The following MYO18B variants were observed in gnomAD, a reference collection of about 807,000 sequenced individuals.
MYO18B encodes the protein unconventional myosin-XVIIIb.
A neutral mutation model predicts 273.0 loss-of-function variants in MYO18B; 204 were observed. The ratio of observed to expected loss-of-function variants is 0.75; its 90% CI spans 0.67 to 0.84. The LOEUF is 0.84. Among genes scored for constraint, MYO18B ranks in the 40% least tolerant of loss-of-function variants. The pLI, the probability that MYO18B is intolerant of heterozygous loss-of-function variation, is 0.00. For missense variants in MYO18B, 3,212 were observed against 3,287.6 expected, an observed-to-expected ratio of 0.98 and a Z score of 0.56; for synonymous variants, 1,330 against 1,305.7, an observed-to-expected ratio of 1.02 and a Z score of -0.40.
intron 33 of MYO18B, among the ~76,000 whole-genome samples, chr22:25,920,735 G>T (rs2092328283): frequency 6.6e-6 from 1 of 152,206 alleles, no homozygotes. Flanking sequence ...ACAGCTCAGT[G>T]AATTTTCATA....
At chr22:25,916,791 G>A (rs535199036) in intron 33 of MYO18B, among the ~76,000 whole-genome samples, 357 of 152,310 alleles carry the variant, frequency 2.3e-3, no homozygotes, top group African/African-American at 8.3e-3. Context: ...CAGCACTTTG[G>A]GAGGCCAAGG....
rs552462614 is a variant in MYO18B at position 25,761,008 on chromosome 22, G to A, written c.-85G>A. 25 of 1,418,932 alleles carry A rather than the reference G, an allele frequency of 1.8e-5. No individual in the cohort carries two copies. The highest frequency in any genetic ancestry group is 6.8e-5 in the East Asian group (3 of 44,100). 87.9% of individuals were successfully genotyped at this position (1,418,932 alleles called of 1,614,324 possible). On this transcript the variant is annotated 5_prime_UTR_variant, in exon 2 of 44. In the 5' UTR this introduces an upstream ATG that the reference lacks. Transcript: ENST00000335473. Reference sequence around the variant, plus strand: ...GTTCTGTGTCCATCTCATGTGCTGCGTGTGTCTGTAAAGCCTCATTCCGTG... The same window carrying A: ...GTTCTGTGTCCATCTCATGTGCTGCATGTGTCTGTAAAGCCTCATTCCGTG...
chr22:26,023,072 T>C (rs766641068), intron 42 of MYO18B, among the ~76,000 whole-genome samples: 17 of 152,122 alleles, frequency 1.1e-4, no homozygotes, highest in South Asian at 2.1e-4. Context: ...AAGGCCTCTG[T>C]TTCCCCTCTC....
intron 40 of MYO18B, 32 bp downstream of exon 40, chr22:25,992,525 G>A (rs749474433): frequency 9.3e-6 from 15 of 1,612,320 alleles, no homozygotes; most frequent in Middle Eastern, 1.6e-4. Context: ...GGGGCTGGGC[G>A]CAGCAGGTGG....
chr22:25,812,478 A>G (rs539927506), intron 12 of MYO18B, among the ~76,000 whole-genome samples: 1 of 152,220 alleles, frequency 6.6e-6, no homozygotes, highest in South Asian at 2.1e-4. Flanking sequence ...GGTGCTGATT[A>G]GAGTTGGTAT....
intron 1 of MYO18B, among the ~76,000 whole-genome samples, chr22:25,751,985 G>A (rs2085942178): frequency 1.3e-5 from 2 of 152,174 alleles, no homozygotes. Flanking sequence ...GAGGCTCAGA[G>A]AGCTCCCTGG....
chr22:26,013,269 G>A (rs947456658), intron 42 of MYO18B, among the ~76,000 whole-genome samples: 1 of 152,144 alleles, frequency 6.6e-6, no homozygotes, highest in Non-Finnish European at 1.5e-5. Flanking sequence ...TGGCTGTCAT[G>A]CTACTGGCAT....
At chr22:25,838,690 C>G (rs1265885547) in intron 17 of MYO18B, among the ~76,000 whole-genome samples, 1 of 152,182 alleles carries the variant, frequency 6.6e-6, no homozygotes, top group East Asian at 1.9e-4. Context: ...TACCATACAG[C>G]CTATGTGTGT....
Position 25,797,989 on chromosome 22 carries a change from C to T in MYO18B, c.2413C>T (p.Gln805Ter). The T allele has an allele frequency of 6.2e-7, 1 of 1,613,980 alleles. No homozygotes were observed. The highest frequency in any genetic ancestry group is 8.5e-7 in the Non-Finnish European group (1 of 1,179,860). The change falls in exon 12 of 44, where the codon CAG (glutamine) becomes TAG (stop). Residue 805 changes from glutamine (Q) to a stop codon, truncating the protein, a stop_gained. Transcript: ENST00000335473. LOFTEE classifies it high-confidence loss of function. ...ACAGAAGGCGGCAGCTGCCTTTGCCCAGCTCCAGGGTGCCATGGAGATGCT... is the reference window on the plus strand; with the variant it reads ...ACAGAAGGCGGCAGCTGCCTTTGCCTAGCTCCAGGGTGCCATGGAGATGCT... ...DKQKAAAAFA[Q>*]LQGAMEMLGI...
Position 25,828,877 on chromosome 22 carries a change from T to C in MYO18B, c.2888T>C (p.Phe963Ser), listed in dbSNP as rs1254305555. The change falls in exon 15 of 44, where the codon TTT becomes TCT. Residue 963 changes from phenylalanine (F) to serine (S), a missense_variant. Coordinates refer to ENST00000335473, the MANE Select transcript of MYO18B (RefSeq NM_032608.7). Reference protein sequence around the residue: ...RHQGKDRAATFEELCHNYAHE... With the variant: ...RHQGKDRAATSEELCHNYAHE... The stretch of plus-strand genomic sequence containing the variant: ...CAGGGCAAGGACCGGGCGGCCACCT[T>C]TGAGGAGCTGTGCCACAACTACGCC... 3.1e-6 allele frequency: 5 copies of C among 1,613,832 alleles called. No individual in the cohort carries two copies. Among genetic ancestry groups the C allele is most frequent in the Non-Finnish European group, 3.4e-6 (4 of 1,179,886 alleles).
chr22:25,891,899 G>A (rs941027895), intron 27 of MYO18B, among the ~76,000 whole-genome samples: 5 of 152,106 alleles, frequency 3.3e-5, no homozygotes, highest in African/African-American at 9.7e-5. Context: ...GTGGTGGCAT[G>A]CACCTGAAGT....
At chr22:25,917,545 G>GGGGGGGGT (rs1555944183) in intron 33 of MYO18B, among the ~76,000 whole-genome samples, 1 of 142,152 alleles carries the variant, frequency 7.0e-6, no homozygotes, top group Non-Finnish European at 1.5e-5. Flanking sequence ...GCTTTGTAGG[G>GGGGGGGGT]GTGTGTGTGT....
intron 20 of MYO18B, among the ~76,000 whole-genome samples, chr22:25,850,816 A>G (rs1411131823): frequency 6.6e-6 from 1 of 152,208 alleles, no homozygotes; most frequent in African/African-American, 2.4e-5. Flanking sequence ...TTGTCTGTAC[A>G]GCCCCCTCTG....
chr22:26,061,006 TACACACACACAC>T, the MYO18B span, among the ~76,000 whole-genome samples: 1 of 118,058 alleles, frequency 8.5e-6, no homozygotes, highest in African/African-American at 4.5e-5. Flanking sequence ...TGCACACACA[TACACACACACAC>T]ACACACACAA....
chr22:25,993,401 T>A (rs995737167), intron 40 of MYO18B, among the ~76,000 whole-genome samples: 3 of 152,172 alleles, frequency 2.0e-5, no homozygotes, highest in African/African-American at 7.2e-5. Context: ...CAATAAAGAA[T>A]CTACAGGGTG....
intron 34 of MYO18B, among the ~76,000 whole-genome samples, chr22:25,934,766 A>C (rs990601391): frequency 2.0e-5 from 3 of 152,196 alleles, no homozygotes; most frequent in Admixed American, 2.0e-4. Flanking sequence ...GGCAGTCAGA[A>C]TATGCATCTA....
intron 36 of MYO18B, among the ~76,000 whole-genome samples, chr22:25,948,455 C>CTTTCTTTCTTTCTTTCT (rs1569225255): frequency 1.2e-5 from 1 of 80,070 alleles, no homozygotes; most frequent in South Asian, 4.3e-4. Flanking sequence ...TCCTTCCTTC[C>CTTTCTTTCTTTCTTTCT]TTCCTTCTTT....
intron 39 of MYO18B, among the ~76,000 whole-genome samples, chr22:25,957,473 T>A (rs1047764926): frequency 1.3e-5 from 2 of 152,250 alleles, no homozygotes; most frequent in Non-Finnish European, 2.9e-5. Flanking sequence ...GATGGCAAGA[T>A]TCTGGATAAG....
chr22:25,832,007 C>T (rs536547075), intron 15 of MYO18B, among the ~76,000 whole-genome samples: 3 of 152,240 alleles, frequency 2.0e-5, no homozygotes, highest in African/African-American at 7.2e-5. Flanking sequence ...AAAAGAAGCT[C>T]ACCATCACAA....
Sources: allele counts gnomAD v4.1 joint callset (sites outside exome capture counted in the v4.1 genomes callset), GRCh38; gene constraint gnomAD v4.1.1; transcripts MANE v1.5; gene names NCBI Gene and HGNC (gene_info 2026-07-23, HGNC 2026-07-21).